PRDM6: variants seen among roughly 807,000 people sequenced by gnomAD.
PRDM6 encodes the protein putative histone-lysine N-methyltransferase PRDM6.
PRDM6 carries 25 observed loss-of-function variants against 60.8 expected under a neutral mutation model. The observed-to-expected ratio is 0.41, with a 90% confidence interval of 0.30 to 0.57. The LOEUF (loss-of-function observed/expected upper bound fraction) is 0.57, where lower values mean the gene tolerates loss of function less well. PRDM6 is among the 20% of genes least tolerant of loss of function. PRDM6 has a pLI of 0.27. For synonymous variants in PRDM6, 407 were observed against 357.4 expected, an observed-to-expected ratio of 1.14 and a Z score of -1.57; for missense variants, 839 against 821.3, an observed-to-expected ratio of 1.02 and a Z score of -0.26.
chr5:123,172,302 A>G (rs1765909875), intron 6 of PRDM6, among the ~76,000 whole-genome samples: 3 of 152,138 alleles, frequency 2.0e-5, no homozygotes, highest in African/African-American at 7.2e-5. Context: ...ATACATTTTT[A>G]TTTGTGCTGT....
chr5:123,110,694 G>A (rs1291616580), intron 3 of PRDM6, among the ~76,000 whole-genome samples: 1 of 151,226 alleles, frequency 6.6e-6, no homozygotes, highest in Non-Finnish European at 1.5e-5. Flanking sequence ...CAGCTCCTGA[G>A]TAGCTGGGAT....
At chr5:123,166,545 A>G (rs1765757687) in intron 5 of PRDM6, among the ~76,000 whole-genome samples, 1 of 152,228 alleles carries the variant, frequency 6.6e-6, no homozygotes. Flanking sequence ...GGAATGTTAC[A>G]TTTGATGAAA....
At chr5:123,139,029 T>C (rs929395497) in intron 3 of PRDM6, among the ~76,000 whole-genome samples, 38 of 152,178 alleles carry the variant, frequency 2.5e-4, no homozygotes, top group African/African-American at 8.4e-4. Flanking sequence ...TTTATAAGCG[T>C]CTGGCATTTC....
intron 3 of PRDM6, among the ~76,000 whole-genome samples, chr5:123,136,891 C>G (rs551597725): frequency 6.6e-6 from 1 of 152,176 alleles, no homozygotes; most frequent in Non-Finnish European, 1.5e-5. Context: ...AGCTGAGGGG[C>G]ATCCCAAGTT....
intron 3 of PRDM6, among the ~76,000 whole-genome samples, chr5:123,147,302 A>C (rs2126866245): frequency 6.6e-6 from 1 of 152,172 alleles, no homozygotes; most frequent in Non-Finnish European, 1.5e-5. Flanking sequence ...AGAGAGAGAG[A>C]GAGAGAAAAC....
intron 3 of PRDM6, among the ~76,000 whole-genome samples, chr5:123,101,734 T>TC (rs1387255492): frequency 1.3e-5 from 2 of 152,004 alleles, no homozygotes; most frequent in Non-Finnish European, 2.9e-5. Flanking sequence ...GTGGGTTTTT[T>TC]CCCCCCCAGA....
chr5:123,119,321 A>G (rs1319395437), intron 3 of PRDM6, among the ~76,000 whole-genome samples: 1 of 152,220 alleles, frequency 6.6e-6, no homozygotes, highest in Admixed American at 6.5e-5. Flanking sequence ...AATGAGTGAT[A>G]AGGGTTAGGA....
chr5:123,163,695 A>C (rs1765684605), intron 5 of PRDM6, among the ~76,000 whole-genome samples: 1 of 152,240 alleles, frequency 6.6e-6, no homozygotes, highest in Admixed American at 6.5e-5. Flanking sequence ...CAAAGCTTCC[A>C]GTGGGGGATT....
intron 3 of PRDM6, among the ~76,000 whole-genome samples, chr5:123,101,015 T>G (rs1764091086): frequency 6.6e-6 from 1 of 152,202 alleles, no homozygotes; most frequent in African/African-American, 2.4e-5. Context: ...CAGGTTGACA[T>G]GAACCCCTGG....
At position 123,192,798 on chromosome 5, in the gene PRDM6, G is replaced by C. The variant is rs1454908440; in HGVS notation, c.*5597G>C. The C allele has an allele frequency of 6.6e-6, 1 of 152,214 alleles. No homozygotes were observed. Among genetic ancestry groups the C allele is most frequent in the African/African-American group, 2.4e-5 (1 of 41,440 alleles). The allele number at this position is 152,214 out of a possible 1,614,324, so 9.4% of individuals were successfully genotyped here. ...TTTCTTTGTTCTGACTGAATGCTAA[G>C]TGAGTTACTTTCCAGGCATCAATGG... On this transcript the variant is annotated 3_prime_UTR_variant, in exon 8 of 8. Coordinates refer to ENST00000407847, the MANE Select transcript of PRDM6 (RefSeq NM_001136239.4).
intron 7 of PRDM6, among the ~76,000 whole-genome samples, chr5:123,181,216 G>T (rs949794195): frequency 1.3e-5 from 2 of 152,188 alleles, no homozygotes; most frequent in African/African-American, 4.8e-5. Flanking sequence ...ACATTTAGCT[G>T]TTCCTCCTTT....
chr5:123,131,274 GC>G (rs1384808523), intron 3 of PRDM6, among the ~76,000 whole-genome samples: 1 of 152,056 alleles, frequency 6.6e-6, no homozygotes, highest in Non-Finnish European at 1.5e-5. Flanking sequence ...GCACAATAGG[GC>G]AGCCATAGTT....
At chr5:123,182,926 C>T (rs1335343692) in intron 7 of PRDM6, among the ~76,000 whole-genome samples, 1 of 151,826 alleles carries the variant, frequency 6.6e-6, no homozygotes, top group African/African-American at 2.4e-5. Context: ...AAAGTTAAAT[C>T]CTTTAGTGTA....
At chr5:123,162,511 C>T (rs967134057) in intron 5 of PRDM6, among the ~76,000 whole-genome samples, 1 of 152,162 alleles carries the variant, frequency 6.6e-6, no homozygotes, top group African/African-American at 2.4e-5. Context: ...TATCATTTAG[C>T]ACCTGAAGTC....
Position 123,170,877 on chromosome 5 carries a change from C to T in PRDM6, c.1265C>T (p.Pro422Leu). The change falls in exon 6 of 8, where the codon CCC becomes CTC. Residue 422 changes from proline to leucine, a missense_variant. By Grantham distance (98) the Pro-to-Leu change is moderately conservative. This residue lies in a region of PRDM6 where 730 missense variants were observed against 648.8 expected (regional missense o/e 1.13). Transcript: ENST00000407847. ...PTTQQRSVVF[P>L]QTPCSRNFSL... ...ACCCAGCAGCGCTCCGTTGTTTTCC[C>T]CCAGACTCCGTGCAGCAGGAACTTC... 1 of 1,552,208 alleles carries T rather than the reference C, an allele frequency of 6.4e-7. No individual in the cohort carries two copies. Among genetic ancestry groups the T allele is most frequent in the Admixed American group, 2.0e-5 (1 of 50,998 alleles).
chr5:123,118,242 T>TG (rs1764502930), intron 3 of PRDM6, among the ~76,000 whole-genome samples: 1 of 152,174 alleles, frequency 6.6e-6, no homozygotes. Context: ...TTGGGATAAA[T>TG]GGCAAATGCA....
chr5:123,154,082 C>A (rs1026763496), intron 3 of PRDM6, among the ~76,000 whole-genome samples: 3 of 151,720 alleles, frequency 2.0e-5, no homozygotes, highest in African/African-American at 7.3e-5. Flanking sequence ...AAAATTTCAA[C>A]TCTGAGGCTG....
intron 7 of PRDM6, among the ~76,000 whole-genome samples, chr5:123,183,884 G>A (rs975017048): frequency 3.3e-5 from 5 of 152,152 alleles, no homozygotes; most frequent in East Asian, 3.8e-4. Context: ...TGAGCTGCCC[G>A]AAGCCTGGCT....
intron 3 of PRDM6, among the ~76,000 whole-genome samples, chr5:123,110,115 T>C (rs995177547): frequency 7.2e-5 from 11 of 152,212 alleles, no homozygotes; most frequent in African/African-American, 2.7e-4. Context: ...TATGTCACTG[T>C]TGACCCTGTG....
Sources: gnomAD v4.1 joint callset for allele counts (sites outside exome capture counted in the v4.1 genomes callset) on GRCh38, gnomAD v4.1.1 for gene constraint, gnomAD v4.1.1 regional missense constraint, MANE v1.5 for transcripts, NCBI Gene and HGNC (gene_info 2026-07-23, HGNC 2026-07-21) for gene names.